The following MTMR7 variants were observed in gnomAD, a reference collection of about 807,000 sequenced individuals.
MTMR7 encodes the protein myotubularin related protein 7.
A neutral mutation model predicts 81.2 loss-of-function variants in MTMR7; 76 were observed. That is an observed-to-expected ratio of 0.94 (90% confidence interval 0.78 to 1.13). MTMR7 has a LOEUF of 1.13. MTMR7 is among the 50% of genes most tolerant of loss of function. MTMR7 has a pLI of 0.00. For missense variants in MTMR7, 1,044 were observed against 820.0 expected, an observed-to-expected ratio of 1.27 and a Z score of -3.34; for synonymous variants, 372 against 289.8, an observed-to-expected ratio of 1.28 and a Z score of -2.88.
intron 6 of MTMR7, among the ~76,000 whole-genome samples, chr8:17,334,726 G>A (rs556733643): frequency 6.6e-6 from 1 of 152,302 alleles, no homozygotes; most frequent in Admixed American, 6.5e-5. Flanking sequence ...AAAGCACATG[G>A]CACCCAGTGG....
intron 7 of MTMR7, 140 bp downstream of exon 7, chr8:17,331,010 T>C: frequency 1.9e-6 from 2 of 1,036,226 alleles, no homozygotes; most frequent in Admixed American, 6.1e-5. Context: ...CTTAAGTGTT[T>C]AAAAAGCCAC....
At chr8:17,379,613 C>T (rs1820698607) in intron 1 of MTMR7, among the ~76,000 whole-genome samples, 1 of 152,136 alleles carries the variant, frequency 6.6e-6, no homozygotes, top group South Asian at 2.1e-4. Flanking sequence ...GCTTTTAGAA[C>T]TTGCCTTTTT....
intron 1 of MTMR7, among the ~76,000 whole-genome samples, chr8:17,399,066 G>A (rs554401905): frequency 6.6e-6 from 1 of 152,044 alleles, no homozygotes; most frequent in Admixed American, 6.6e-5. Flanking sequence ...CTACGATCTG[G>A]AACACAGGAA....
intron 1 of MTMR7, among the ~76,000 whole-genome samples, chr8:17,396,551 A>C (rs1451906713): frequency 2.0e-5 from 3 of 152,132 alleles, no homozygotes; most frequent in Admixed American, 1.3e-4. Context: ...AGCTAGAGGG[A>C]AATTGCCTAT....
At chr8:17,387,561 G>C (rs17503256) in intron 1 of MTMR7, among the ~76,000 whole-genome samples, 6,934 of 152,268 alleles carry the variant, frequency 0.046, 234 homozygotes, top group Non-Finnish European at 0.07. Context: ...TTCTAAGCAT[G>C]TCAGAAGGAT....
intron 7 of MTMR7, among the ~76,000 whole-genome samples, chr8:17,313,852 A>G (rs1817920399): frequency 6.6e-6 from 1 of 152,224 alleles, no homozygotes; most frequent in South Asian, 2.1e-4. Flanking sequence ...GGACTGTTGT[A>G]AAAACACAAG....
At chr8:17,300,455 A>G (rs1278140559) in intron 13 of MTMR7, among the ~76,000 whole-genome samples, 1 of 152,182 alleles carries the variant, frequency 6.6e-6, no homozygotes, top group Non-Finnish European at 1.5e-5. Flanking sequence ...TTCTATAATA[A>G]TAAACAATAT....
At chr8:17,408,585 T>C (rs1054133201) in intron 1 of MTMR7, among the ~76,000 whole-genome samples, 4 of 152,084 alleles carry the variant, frequency 2.6e-5, no homozygotes, top group Admixed American at 1.3e-4. Flanking sequence ...TGGGGGCAAG[T>C]GGCTTAAGAA....
Position 17,311,488 on chromosome 8 carries a change from A to T in MTMR7, c.1101+23T>A, listed in dbSNP as rs564077088. 4.3e-6 allele frequency: 7 copies of T among 1,613,938 alleles called. No homozygotes were observed. The East Asian group carries it at 1.3e-4, about 31-fold the overall frequency. On this transcript the variant is annotated intron_variant, in intron 9 of 13. Coordinates refer to ENST00000180173, the MANE Select transcript of MTMR7 (RefSeq NM_004686.5). ...TCCTGGTCAAGGCACCGCCTGTGGG[A>T]ATCGCCCAGTGGCCACACTCACCAT...
intron 3 of MTMR7, 56 bp from the exon 4 acceptor site, chr8:17,361,330 T>C: frequency 1.3e-6 from 2 of 1,598,378 alleles, no homozygotes; most frequent in Non-Finnish European, 1.7e-6. Flanking sequence ...CAGAGCCAAA[T>C]CTCCCCGAAA....
In MTMR7 at chr8:17,331,195, C is replaced by G; in HGVS notation, c.820G>C (p.Glu274Gln). The G allele has an allele frequency of 6.2e-7, 1 of 1,612,914 alleles. No homozygotes were observed. Among genetic ancestry groups the G allele is most frequent in the Non-Finnish European group, 8.5e-7 (1 of 1,179,660 alleles). Reference sequence around the variant, plus strand: ...CTGTTCCTCATGACATGGATGTTCTCTATCCCGATAAACTGAAACTTGATA... The same window carrying G: ...CTGTTCCTCATGACATGGATGTTCTGTATCCCGATAAACTGAAACTTGATA... ...SNIKFQFIGI[E>Q]NIHVMRNSLQ... The change falls in exon 7 of 14, where the codon GAG becomes CAG. Residue 274 changes from glutamate (E) to glutamine (Q), a missense_variant. Transcript: ENST00000180173.
At chr8:17,393,833 AC>A (rs1181042073) in intron 1 of MTMR7, among the ~76,000 whole-genome samples, 2 of 152,292 alleles carry the variant, frequency 1.3e-5, no homozygotes, top group African/African-American at 4.8e-5. Context: ...CACATTTTGC[AC>A]ATGTAACCTG....
intron 4 of MTMR7, among the ~76,000 whole-genome samples, chr8:17,353,949 G>T (rs1819811302): frequency 6.6e-6 from 1 of 152,202 alleles, no homozygotes; most frequent in African/African-American, 2.4e-5. Flanking sequence ...GCAGAAATGA[G>T]TAAGAGTTTT....
chr8:17,364,144 C>T (rs1438190963), intron 3 of MTMR7, among the ~76,000 whole-genome samples: 1 of 150,966 alleles, frequency 6.6e-6, no homozygotes, highest in South Asian at 2.1e-4. Context: ...ATTCTCCTGC[C>T]TCAGCCTCCG....
rs1255773049 is a variant in MTMR7 at position 17,373,612 on chromosome 8, A to T, written c.25-372T>A. On this transcript the variant is annotated intron_variant, in intron 1 of 13. Transcript: ENST00000180173. ...TGTTCTGAGTTTACACTATGTATCA[A>T]TTACATTCTATGAAAAAGAAAAAAG... Among the ~76,000 whole-genome samples the T allele has an allele frequency of 2.0e-5, 3 of 152,210 alleles. No individual in the cohort carries two copies. In the East Asian group the frequency reaches 5.8e-4, roughly 29 times the overall value.
intron 1 of MTMR7, among the ~76,000 whole-genome samples, chr8:17,412,479 T>C (rs374677553): frequency 1.3e-5 from 2 of 152,206 alleles, no homozygotes; most frequent in African/African-American, 4.8e-5. Flanking sequence ...GTAACGTCGA[T>C]CATCATTTTC....
chr8:17,409,866 C>T (rs1438597983), intron 1 of MTMR7, among the ~76,000 whole-genome samples: 3 of 152,042 alleles, frequency 2.0e-5, no homozygotes, highest in Non-Finnish European at 1.5e-5. Flanking sequence ...GCAAAAGTCC[C>T]GAGGCAGAAA....
chr8:17,410,189 G>A (rs913591666), intron 1 of MTMR7, among the ~76,000 whole-genome samples: 6 of 152,194 alleles, frequency 3.9e-5, no homozygotes, highest in Non-Finnish European at 8.8e-5. Context: ...TAGGGGGTAG[G>A]TGTACCAAGG....
chr8:17,328,094 G>C (rs938953822), intron 7 of MTMR7, among the ~76,000 whole-genome samples: 1 of 152,172 alleles, frequency 6.6e-6, no homozygotes, highest in Admixed American at 6.5e-5. Context: ...AAGGTAGGCA[G>C]GCACAAAGCT....
Sources: gnomAD v4.1 joint callset for allele counts (sites outside exome capture counted in the v4.1 genomes callset) on GRCh38, gnomAD v4.1.1 for gene constraint, MANE v1.5 for transcripts, NCBI Gene and HGNC (gene_info 2026-07-23, HGNC 2026-07-21) for gene names.